Variants in AGBL1 observed in about 807,000 individuals in gnomAD.
AGBL1 encodes AGBL carboxypeptidase 1.
Under a neutral mutation model 118.9 loss-of-function variants are expected in AGBL1, and 130 were observed. That is an observed-to-expected ratio of 1.09 (90% CI 0.95 to 1.26). The LOEUF is 1.26. AGBL1 is among the 50% of genes most tolerant of loss of function. The pLI is 0.00. For missense variants in AGBL1, 1,584 were observed against 1,298.1 expected, an observed-to-expected ratio of 1.22 and a Z score of -3.38; for synonymous variants, 555 against 478.9, an observed-to-expected ratio of 1.16 and a Z score of -2.08.
At chr15:87,024,951 A>C (rs2081710093) in intron 24 of AGBL1, among the ~76,000 whole-genome samples, 1 of 152,088 alleles carries the variant, frequency 6.6e-6, no homozygotes, top group African/African-American at 2.4e-5. Flanking sequence ...TAAAACTCTC[A>C]GTAAAATCGA....
chr15:86,900,030 C>A (rs1166333973), intron 22 of AGBL1, among the ~76,000 whole-genome samples: 2 of 152,146 alleles, frequency 1.3e-5, no homozygotes, highest in Non-Finnish European at 2.9e-5. Flanking sequence ...TTCTCCCGTG[C>A]TGGATGCTTC....
At chr15:86,223,433 C>T (rs2078309343) in intron 5 of AGBL1, among the ~76,000 whole-genome samples, 1 of 152,100 alleles carries the variant, frequency 6.6e-6, no homozygotes, top group African/African-American at 2.4e-5. Context: ...TGCCCCAGCC[C>T]AAGCCAGGCC....
chr15:86,342,512 T>C (rs1181624452), intron 17 of AGBL1, among the ~76,000 whole-genome samples: 1 of 152,226 alleles, frequency 6.6e-6, no homozygotes, highest in East Asian at 1.9e-4. Context: ...ATTCACCCAT[T>C]CATCCATCCA....
intron 24 of AGBL1, among the ~76,000 whole-genome samples, chr15:87,021,098 T>C (rs2081659939): frequency 6.6e-6 from 1 of 152,058 alleles, no homozygotes; most frequent in African/African-American, 2.4e-5. Context: ...GGCTTCAAAC[T>C]ATGCTACAAA....
At chr15:86,619,096 T>A (rs996158426) in intron 21 of AGBL1, among the ~76,000 whole-genome samples, 7 of 152,130 alleles carry the variant, frequency 4.6e-5, no homozygotes, top group Admixed American at 4.6e-4. Flanking sequence ...CAAACCTCTT[T>A]ATTCACTCAT....
chr15:86,105,191 G>A (rs1424318977), intron 1 of AGBL1: 5 of 152,218 alleles, frequency 3.3e-5, no homozygotes, highest in African/African-American at 1.2e-4. Context: ...CCATCTTGAA[G>A]ACTCTCTCTT....
chr15:86,685,344 C>T (rs985901839), intron 22 of AGBL1, among the ~76,000 whole-genome samples: 1 of 152,090 alleles, frequency 6.6e-6, no homozygotes, highest in Non-Finnish European at 1.5e-5. Flanking sequence ...CATAGACTTA[C>T]TGATTCTATT....
intron 7 of AGBL1, among the ~76,000 whole-genome samples, chr15:86,250,561 A>T (rs926579447): frequency 1.5e-5 from 2 of 131,696 alleles, no homozygotes; most frequent in Non-Finnish European, 3.2e-5. Context: ...AAAAAAAAAA[A>T]AAAAAAAAAA....
At chr15:86,719,449 T>G (rs1299093175) in intron 22 of AGBL1, among the ~76,000 whole-genome samples, 1 of 152,288 alleles carries the variant, frequency 6.6e-6, no homozygotes, top group East Asian at 1.9e-4. Context: ...AGCATCCTTA[T>G]AGTGAAGGTT....
chr15:86,881,659 G>A (rs1567221926), intron 22 of AGBL1, among the ~76,000 whole-genome samples: 1 of 152,112 alleles, frequency 6.6e-6, no homozygotes, highest in Non-Finnish European at 1.5e-5. Context: ...ATTTAAGATA[G>A]GGTCTCACTG....
chr15:86,932,051 T>C (rs2080612934), intron 23 of AGBL1, among the ~76,000 whole-genome samples: 1 of 152,178 alleles, frequency 6.6e-6, no homozygotes. Context: ...TTTAAATTTA[T>C]CTTATCTAGC....
chr15:86,457,128 T>TA (rs200359472), intron 18 of AGBL1, among the ~76,000 whole-genome samples: 1,608 of 151,824 alleles, frequency 0.011, 27 homozygotes, highest in African/African-American at 0.037. Flanking sequence ...TACGCATTCT[T>TA]AAAAAAAAGC....
At chr15:86,194,328 T>C (rs1270299322) in intron 5 of AGBL1, among the ~76,000 whole-genome samples, 1 of 152,250 alleles carries the variant, frequency 6.6e-6, no homozygotes, top group East Asian at 1.9e-4. Flanking sequence ...GGGTCTATGC[T>C]TAAGCATTTG....
intron 22 of AGBL1, among the ~76,000 whole-genome samples, chr15:86,835,103 A>C (rs1458081279): frequency 6.6e-6 from 1 of 152,038 alleles, no homozygotes; most frequent in Non-Finnish European, 1.5e-5. Flanking sequence ...TATTACATTT[A>C]AGGGTTAACT....
intron 18 of AGBL1, among the ~76,000 whole-genome samples, chr15:86,410,864 A>ATATATAATATATATTATAATATATAT (rs2081604777): frequency 1.9e-5 from 2 of 105,596 alleles, no homozygotes; most frequent in South Asian, 2.8e-4. Flanking sequence ...TATATATAAA[A>ATATATAATATATATTATAATATATAT]TATATAATAT....
intron 6 of AGBL1, among the ~76,000 whole-genome samples, chr15:86,240,751 C>T (rs779700997): frequency 6.6e-6 from 1 of 152,136 alleles, no homozygotes; most frequent in Non-Finnish European, 1.5e-5. Context: ...AACAGTAGAG[C>T]TATTTAATCT....
chr15:86,182,736 A>G (rs1477483305), intron 5 of AGBL1, among the ~76,000 whole-genome samples: 1 of 152,118 alleles, frequency 6.6e-6, no homozygotes, highest in Non-Finnish European at 1.5e-5. Flanking sequence ...AATAAGTCAC[A>G]TTGGATTATG....
intron 18 of AGBL1, among the ~76,000 whole-genome samples, chr15:86,491,654 T>C (rs1447328899): frequency 6.6e-6 from 1 of 151,934 alleles, no homozygotes; most frequent in African/African-American, 2.4e-5. Flanking sequence ...AAAGAAATCA[T>C]TAGGGGTAGA....
At chr15:86,335,083 G>C (rs2080341180) in intron 17 of AGBL1, among the ~76,000 whole-genome samples, 2 of 151,984 alleles carry the variant, frequency 1.3e-5, no homozygotes, top group African/African-American at 4.8e-5. Context: ...TTATGACCTA[G>C]AGAAAGAAAT....
Sources: allele counts gnomAD v4.1 joint callset (sites outside exome capture counted in the v4.1 genomes callset), GRCh38; gene constraint gnomAD v4.1.1; transcripts MANE v1.5; gene names NCBI Gene and HGNC (gene_info 2026-07-23, HGNC 2026-07-21).